The following CDH11 variants were observed in gnomAD, a reference collection of about 807,000 sequenced individuals.
The protein encoded by CDH11 is cadherin 11, also known as cadherin-11.
In CDH11, 11 loss-of-function variants were observed where a neutral mutation model predicts 67.8. The ratio of observed to expected loss-of-function variants is 0.16; its 90% CI spans 0.10 to 0.27. The LOEUF (loss-of-function observed/expected upper bound fraction) is 0.27. Ranked by LOEUF, CDH11 falls within the 10% of genes least tolerant of loss-of-function variation. The pLI is 1.00. For synonymous variants in CDH11, 419 were observed against 400.0 expected (o/e 1.05, Z -0.57); for missense variants, 847 against 1,031.2 (o/e 0.82, Z 2.45).
At chr16:65,069,785 C>T (rs2142763781) in intron 1 of CDH11, among the ~76,000 whole-genome samples, 1 of 152,234 alleles carries the variant, frequency 6.6e-6, no homozygotes, top group East Asian at 1.9e-4. Context: ...ATAGCACAAA[C>T]CTTAGAAGGT....
intron 2 of CDH11, among the ~76,000 whole-genome samples, chr16:65,047,790 T>G (rs2073988269): frequency 6.6e-6 from 1 of 152,204 alleles, no homozygotes; most frequent in Admixed American, 6.5e-5. Flanking sequence ...ACTTAACAAC[T>G]TCTGTACTGT....
At chr16:64,970,360 A>C (rs932820705) in intron 11 of CDH11, among the ~76,000 whole-genome samples, 7 of 152,306 alleles carry the variant, frequency 4.6e-5, no homozygotes, top group African/African-American at 1.7e-4. Flanking sequence ...CATCAGCACG[A>C]AAGGATTCAG....
chr16:65,004,910 C>G lies in CDH11; in HGVS notation c.-41G>C. On this transcript the variant is annotated 5_prime_UTR_variant, in exon 3 of 13. Coordinates refer to ENST00000268603, the MANE Select transcript of CDH11 (RefSeq NM_001797.4). ...AGGCACAGGAGAATGCAGCTGTCAC[C>G]CCTTCCACCAACTGTACGGTGGTCT... The G allele has an allele frequency of 1.4e-6, 2 of 1,471,620 alleles. No individual in the cohort carries two copies. Among genetic ancestry groups the G allele is most frequent in the Non-Finnish European group, 1.8e-6 (2 of 1,104,940 alleles). The allele number at this position is 1,471,620 out of a possible 1,614,324, so 91.2% of individuals were successfully genotyped here.
chr16:64,962,283 A>G (rs764171535), intron 11 of CDH11, among the ~76,000 whole-genome samples: 5 of 152,162 alleles, frequency 3.3e-5, no homozygotes, highest in Non-Finnish European at 7.3e-5. Flanking sequence ...GAAGCTTGGA[A>G]GTCACCTCTC....
intron 4 of CDH11, among the ~76,000 whole-genome samples, chr16:64,996,950 A>C (rs977128849): frequency 3.3e-5 from 5 of 152,148 alleles, no homozygotes; most frequent in African/African-American, 1.2e-4. Flanking sequence ...TGATGGGGTC[A>C]TTCATACCAC....
Position 64,943,913 on chromosome 16 carries a change from A to G in CDH11, c.*3690T>C, listed in dbSNP as rs1432578535. ...GTCCCACCCACCCACACACATACAT[A>G]AAGCCAAAAAGCAAAATAAGTTTAA... On this transcript the variant is annotated 3_prime_UTR_variant, in exon 13 of 13. Transcript: ENST00000268603. The G allele has an allele frequency of 4.3e-6, 1 of 229,938 alleles. No individual in the cohort carries two copies. The highest frequency in any genetic ancestry group is 2.2e-5 in the African/African-American group (1 of 45,162). The allele number at this position is 229,938 out of a possible 1,614,324, so 14.2% of individuals were successfully genotyped here.
intron 2 of CDH11, among the ~76,000 whole-genome samples, chr16:65,018,550 G>A (rs1048494768): frequency 1.3e-5 from 2 of 152,150 alleles, no homozygotes; most frequent in African/African-American, 4.8e-5. Context: ...TTTGCTCACA[G>A]TAGTATACTT....
chr16:65,025,044 T>C (rs1383127379), intron 2 of CDH11, among the ~76,000 whole-genome samples: 1 of 152,212 alleles, frequency 6.6e-6, no homozygotes, highest in East Asian at 1.9e-4. Flanking sequence ...AGCAGGTTAG[T>C]GAATTCCTGC....
At chr16:64,982,899 C>T (rs35211) in intron 7 of CDH11, 137,969 of 152,374 alleles carry the variant, frequency 0.91, 62,514 homozygotes, top group East Asian at 1. Flanking sequence ...GATATTAACT[C>T]ACATAGTGAG....
chr16:65,044,391 G>GA (rs565711943), intron 2 of CDH11, among the ~76,000 whole-genome samples: 11 of 151,844 alleles, frequency 7.2e-5, no homozygotes, highest in African/African-American at 2.2e-4. Flanking sequence ...AAAATCAGAA[G>GA]AAAAAAATGA....
At chr16:65,114,048 G>C (rs927870059) in intron 1 of CDH11, among the ~76,000 whole-genome samples, 2 of 152,154 alleles carry the variant, frequency 1.3e-5, no homozygotes, top group Non-Finnish European at 2.9e-5. Flanking sequence ...ACTACTGGGA[G>C]AAAGTTACCA....
chr16:65,071,623 G>A (rs967662003), intron 1 of CDH11, among the ~76,000 whole-genome samples: 9 of 152,132 alleles, frequency 5.9e-5, no homozygotes, highest in African/African-American at 9.7e-5. Flanking sequence ...CGTGTCCCCA[G>A]ACACCACAAT....
chr16:65,080,219 A>G (rs2074585587), intron 1 of CDH11, among the ~76,000 whole-genome samples: 1 of 151,850 alleles, frequency 6.6e-6, no homozygotes, highest in South Asian at 2.1e-4. Context: ...AAACTATACA[A>G]CCATTCAACC....
chr16:65,059,207 G>A (rs2074196869), intron 1 of CDH11, among the ~76,000 whole-genome samples: 1 of 152,092 alleles, frequency 6.6e-6, no homozygotes, highest in South Asian at 2.1e-4. Context: ...GACACCAGCT[G>A]TCCTCTGCTC....
intron 8 of CDH11, among the ~76,000 whole-genome samples, chr16:64,977,981 A>G (rs949336202): frequency 6.6e-6 from 1 of 152,054 alleles, no homozygotes; most frequent in East Asian, 1.9e-4. Context: ...TCCTGCCACT[A>G]TTTTCTTTGA....
chr16:65,114,640 T>C (rs1180713602), intron 1 of CDH11, among the ~76,000 whole-genome samples: 1 of 152,204 alleles, frequency 6.6e-6, no homozygotes, highest in Admixed American at 6.5e-5. Context: ...TTCCCTTTCA[T>C]TGCAAGGTGC....
chr16:65,067,973 A>G (rs2074346279), intron 1 of CDH11, among the ~76,000 whole-genome samples: 1 of 102,458 alleles, frequency 9.8e-6, no homozygotes, highest in Admixed American at 1.0e-4. Context: ...GGAGGGAGGA[A>G]GGAACCAAGG....
chr16:64,965,205 CAAAAAAAAAAAAAA>C (rs71143537), intron 11 of CDH11, among the ~76,000 whole-genome samples: 7 of 56,936 alleles, frequency 1.2e-4, no homozygotes, highest in African/African-American at 3.6e-4. Context: ...CTAAAAATAC[CAAAAAAAAAAAAAA>C]AAAAAAAAAA....
At chr16:65,086,803 C>G (rs2074707900) in intron 1 of CDH11, among the ~76,000 whole-genome samples, 1 of 152,142 alleles carries the variant, frequency 6.6e-6, no homozygotes, top group African/African-American at 2.4e-5. Flanking sequence ...AAAACAAACA[C>G]AAGTCCCAGA....
Sources: gnomAD v4.1 joint callset for allele counts (sites outside exome capture counted in the v4.1 genomes callset) on GRCh38, gnomAD v4.1.1 for gene constraint, MANE v1.5 for transcripts, NCBI Gene and HGNC (gene_info 2026-07-23, HGNC 2026-07-21) for gene names.